The following ZBED6 variants were observed in gnomAD, a reference collection of about 807,000 sequenced individuals.
The protein encoded by ZBED6 is zinc finger BED-type containing 6, also known as zinc finger BED domain-containing protein 6.
In ZBED6, 40 loss-of-function variants were observed where a neutral mutation model predicts 58.4. That is an observed-to-expected ratio of 0.68 (90% CI 0.53 to 0.89). ZBED6 has a LOEUF of 0.89. Among genes scored for constraint, ZBED6 ranks in the 40% least tolerant of loss-of-function variants. The pLI is 0.00. For missense variants in ZBED6, 1,057 were observed against 1,003.9 expected (o/e 1.05, Z -0.71); for synonymous variants, 439 against 350.6 (o/e 1.25, Z -2.82).
exon 1 of ZBED6, chr1:203,800,240 A>T: frequency 8.1e-7 from 1 of 1,241,904 alleles, no homozygotes; most frequent in Non-Finnish European, 1.1e-6. Context: ...TCCAGTATCT[A>T]AGTTGCCCCA....
At chr1:203,848,203 A>G (rs912542066) in intron 12 of ZBED6, 128 bp from the exon 13 acceptor site, 5 of 790,792 alleles carry the variant, frequency 6.3e-6, no homozygotes, top group Non-Finnish European at 1.0e-5. Context: ...AGGAGCACAG[A>G]TGGGCTTTAT....
chr1:203,843,349 A>G (rs1406273566), intron 11 of ZBED6, among the ~76,000 whole-genome samples: 1 of 152,164 alleles, frequency 6.6e-6, no homozygotes, highest in African/African-American at 2.4e-5. Context: ...TCTTTTGAGT[A>G]TGACTGCCCC....
At chr1:203,803,854 G>C (rs1240583448) in intron 1 of ZBED6, among the ~76,000 whole-genome samples, 5 of 152,086 alleles carry the variant, frequency 3.3e-5, no homozygotes, top group Admixed American at 3.3e-4. Context: ...CAGTCTTCCT[G>C]CCTTGGCCAA....
intron 4 of ZBED6, 97 bp from the exon 5 acceptor site, chr1:203,829,354 G>T: frequency 8.0e-7 from 1 of 1,242,842 alleles, no homozygotes; most frequent in South Asian, 1.3e-5. Context: ...ATGCTCATAA[G>T]ACAAATACAC....
chr1:203,848,333 A>G (rs1572364774), exon 13 of ZBED6: 1 of 1,612,514 alleles, frequency 6.2e-7, no homozygotes, highest in Non-Finnish European at 8.5e-7. Flanking sequence ...GAATACAGGG[A>G]TGAAAGAAGA....
intron 10 of ZBED6, 49 bp from the exon 11 acceptor site, chr1:203,840,257 A>G (rs756308763): frequency 7.0e-6 from 11 of 1,578,486 alleles, no homozygotes; most frequent in Non-Finnish European, 9.6e-6. Context: ...TTTAAGCTGT[A>G]AAAAGTTTCT....
chr1:203,798,669 A>T, exon 1 of ZBED6: 1 of 1,536,152 alleles, frequency 6.5e-7, no homozygotes, highest in Non-Finnish European at 8.7e-7. Flanking sequence ...TGAAAGTCCT[A>T]TTCCCGTTGC....
chr1:203,848,492 G>C (rs12078932), intron 13 of ZBED6, 85 bp downstream of exon 13: 121,512 of 987,022 alleles, frequency 0.12, 8,305 homozygotes, highest in Non-Finnish European at 0.14. Flanking sequence ...AAATTTCTAA[G>C]TACTTCATTC....
At chr1:203,841,724 G>C (rs1686282850) in intron 11 of ZBED6, among the ~76,000 whole-genome samples, 1 of 152,066 alleles carries the variant, frequency 6.6e-6, no homozygotes, top group Admixed American at 6.5e-5. Flanking sequence ...TTCCCAGATA[G>C]GGCGGCCGGG....
chr1:203,818,346 G>T (rs1677080183), intron 2 of ZBED6, among the ~76,000 whole-genome samples: 1 of 151,910 alleles, frequency 6.6e-6, no homozygotes, highest in Non-Finnish European at 1.5e-5. Flanking sequence ...TTCAGCTTGT[G>T]TCACTCATGC....
chr1:203,849,737 C>T, exon 14 of ZBED6: 1 of 1,613,922 alleles, frequency 6.2e-7, no homozygotes, highest in Non-Finnish European at 8.5e-7. Context: ...CAGGAGTTGA[C>T]ATCACTAAAA....
intron 11 of ZBED6, among the ~76,000 whole-genome samples, chr1:203,842,014 A>G (rs1422012046): frequency 2.1e-5 from 3 of 144,840 alleles, no homozygotes; most frequent in Non-Finnish European, 3.0e-5. Context: ...GCGGCAGGGC[A>G]GAGGCGCTCC....
In ZBED6 at chr1:203,840,414, T is replaced by C. The variant is rs753869139; in HGVS notation, c.*3741+40T>C. 2.1e-5 allele frequency: 33 copies of C among 1,591,244 alleles called. 1 individual carries two copies. The highest frequency in any genetic ancestry group is 1.1e-4 in the East Asian group (5 of 44,480). ...AGACCAGATTCTGATTATTTTTTTC[T>C]TTGCTGTAAGAGCCTTTGCTTTTTC... On this transcript the variant is annotated intron_variant, in intron 11 of 16. Transcript: ENST00000550078.
Position 203,797,401 on chromosome 1 carries a change from GA to G in ZBED6, c.-120del, listed in dbSNP as rs1668903874. On this transcript the variant is annotated 5_prime_UTR_variant, in exon 1 of 17. The change abolishes the stop of an existing upstream ORF in the 5' untranslated region. Coordinates refer to ENST00000550078, the Ensembl canonical transcript of ZBED6. ...GGCTTGGAAGTTATTGGTCCAGTGG[GA>G]ATTTGATTCCCCATAGAAACTGGAG... 1 of 957,116 alleles carries G rather than the reference GA, an allele frequency of 1.0e-6. No homozygotes were observed. The highest frequency in any genetic ancestry group is 3.4e-5 in the Admixed American group (1 of 29,206). The allele number at this position is 957,116 out of a possible 1,614,324, so 59.3% of individuals were successfully genotyped here.
chr1:203,838,009 G>T, exon 10 of ZBED6: 3 of 1,614,190 alleles, frequency 1.9e-6, no homozygotes, highest in Non-Finnish European at 2.5e-6. Context: ...TGGCACAGAG[G>T]CTAGGGAAGA....
exon 1 of ZBED6, chr1:203,800,258 T>C (rs1670139194): frequency 1.8e-6 from 2 of 1,100,028 alleles, no homozygotes; most frequent in African/African-American, 3.1e-5. Context: ...CCATGTGTAG[T>C]TGGCAATCTG....
At chr1:203,848,376 C>A in exon 13 of ZBED6, 1 of 1,613,214 alleles carries the variant, frequency 6.2e-7, no homozygotes, top group East Asian at 2.2e-5. Context: ...GAAGTTGATT[C>A]TCAGAGCAGT....
intron 9 of ZBED6, among the ~76,000 whole-genome samples, chr1:203,834,528 T>C (rs557936879): frequency 3.9e-5 from 6 of 152,242 alleles, no homozygotes; most frequent in Non-Finnish European, 8.8e-5. Flanking sequence ...GGCCTTGGCC[T>C]CCCAAAGTAC....
rs373918473 is a variant in ZBED6, at chr1:203,835,045, C to G, written c.*3573+1192C>G. Among the ~76,000 whole-genome samples, 585 of 152,298 alleles carry G rather than the reference C, an allele frequency of 3.8e-3. 2 individuals are homozygous for G. Among genetic ancestry groups the G allele is most frequent in the Middle Eastern group, 0.031 (9 of 294 alleles). On this transcript the variant is annotated intron_variant, in intron 9 of 16. Transcript: ENST00000550078. ...CTTATCTATCTCTATTTTGTGTTGT[C>G]TTTGATGCAGTTCTCACTACCCTAT...
Sources: allele counts gnomAD v4.1 joint callset (sites outside exome capture counted in the v4.1 genomes callset), GRCh38; gene constraint gnomAD v4.1.1; transcripts MANE v1.5; gene names NCBI Gene and HGNC (gene_info 2026-07-23, HGNC 2026-07-21).